Variants in CNTNAP5 observed in about 807,000 individuals in gnomAD.
The protein encoded by CNTNAP5 is contactin associated protein family member 5.
Under a neutral mutation model 150.2 loss-of-function variants are expected in CNTNAP5, and 72 were observed. That is an observed-to-expected ratio of 0.48 (90% confidence interval 0.40 to 0.58). The LOEUF (loss-of-function observed/expected upper bound fraction) is 0.58, where lower values mean the gene tolerates loss of function less well. Among genes scored for constraint, CNTNAP5 ranks in the 20% least tolerant of loss-of-function variants. The pLI, the probability that CNTNAP5 is intolerant of heterozygous loss-of-function variation, is 0.00. For missense variants in CNTNAP5, 1,636 were observed against 1,626.2 expected, an observed-to-expected ratio of 1.01 and a Z score of -0.10; for synonymous variants, 672 against 619.8, an observed-to-expected ratio of 1.08 and a Z score of -1.25.
At chr2:124,442,064 T>C (rs1692687904) in intron 5 of CNTNAP5, among the ~76,000 whole-genome samples, 1 of 152,196 alleles carries the variant, frequency 6.6e-6, no homozygotes. Context: ...TAAGAAGAAG[T>C]ACTTTTATTT....
chr2:124,551,729 G>A (rs191281113), intron 10 of CNTNAP5, among the ~76,000 whole-genome samples: 67 of 152,266 alleles, frequency 4.4e-4, no homozygotes, highest in Admixed American at 1.2e-3. Flanking sequence ...CATGTATAGA[G>A]AATCATTTAT....
At chr2:124,066,750 AC>A (rs750709518) in intron 1 of CNTNAP5, among the ~76,000 whole-genome samples, 12 of 152,142 alleles carry the variant, frequency 7.9e-5, no homozygotes, top group Non-Finnish European at 1.2e-4. Flanking sequence ...TAAACCCACT[AC>A]CTATGGAAAA....
At chr2:124,877,213 A>G (rs1677877264) in intron 21 of CNTNAP5, among the ~76,000 whole-genome samples, 1 of 152,134 alleles carries the variant, frequency 6.6e-6, no homozygotes, top group Non-Finnish European at 1.5e-5. Flanking sequence ...CATGCTCTGC[A>G]CTGCTCTGTA....
At chr2:124,285,264 A>T (rs1453059845) in intron 3 of CNTNAP5, among the ~76,000 whole-genome samples, 1 of 152,132 alleles carries the variant, frequency 6.6e-6, no homozygotes, top group Non-Finnish European at 1.5e-5. Flanking sequence ...TTCATGAGCT[A>T]ACACCACTTT....
intron 8 of CNTNAP5, among the ~76,000 whole-genome samples, chr2:124,505,774 A>G (rs1459596109): frequency 6.6e-6 from 1 of 152,174 alleles, no homozygotes; most frequent in East Asian, 1.9e-4. Context: ...ACAAATACTC[A>G]TTGAGGTCAA....
chr2:124,262,527 C>G (rs891573283), intron 3 of CNTNAP5, among the ~76,000 whole-genome samples: 2 of 152,080 alleles, frequency 1.3e-5, no homozygotes, highest in African/African-American at 4.8e-5. Context: ...AATTTATCCC[C>G]GGTTCACCTT....
intron 21 of CNTNAP5, among the ~76,000 whole-genome samples, chr2:124,887,776 G>A (rs569599466): frequency 4.2e-4 from 64 of 152,154 alleles, no homozygotes; most frequent in African/African-American, 1.3e-3. Context: ...GGGAGACCCC[G>A]TGTACAGCCT....
chr2:124,305,111 C>CAAAAAAAA (rs57896748), intron 3 of CNTNAP5, among the ~76,000 whole-genome samples: 44 of 86,362 alleles, frequency 5.1e-4, no homozygotes, highest in African/African-American at 1.2e-3. Flanking sequence ...ACAAAAAATA[C>CAAAAAAAA]AAAAAAAAAA....
chr2:124,491,431 T>A (rs115910147), intron 7 of CNTNAP5, among the ~76,000 whole-genome samples: 5,478 of 119,164 alleles, frequency 0.046, 128 homozygotes, highest in Non-Finnish European at 0.05. Context: ...GTATGTGTGT[T>A]TATATATATA....
intron 6 of CNTNAP5, among the ~76,000 whole-genome samples, chr2:124,458,213 T>A (rs12469266): frequency 2.0e-3 from 275 of 135,474 alleles, no homozygotes; most frequent in Middle Eastern, 0.016. Flanking sequence ...TATATATATA[T>A]AATATATATA....
At chr2:124,111,035 C>T (rs1028834370) in intron 1 of CNTNAP5, among the ~76,000 whole-genome samples, 1 of 152,058 alleles carries the variant, frequency 6.6e-6, no homozygotes, top group African/African-American at 2.4e-5. Flanking sequence ...AATCAAAGTG[C>T]GATTTGTCCA....
At chr2:124,310,981 A>G (rs1573907891) in intron 3 of CNTNAP5, among the ~76,000 whole-genome samples, 1 of 152,126 alleles carries the variant, frequency 6.6e-6, no homozygotes, top group East Asian at 1.9e-4. Context: ...TGAAAATGAG[A>G]CAGTCTCTGT....
chr2:124,100,458 CTA>C (rs144981131), intron 1 of CNTNAP5, among the ~76,000 whole-genome samples: 11,665 of 152,162 alleles, frequency 0.077, 529 homozygotes, highest in South Asian at 0.15. Context: ...CATATAATAA[CTA>C]ATACGTATAA....
chr2:124,545,123 T>TA (rs984706500), intron 10 of CNTNAP5, among the ~76,000 whole-genome samples: 35 of 152,278 alleles, frequency 2.3e-4, no homozygotes, highest in Admixed American at 4.6e-4. Context: ...GAATTCATGT[T>TA]AAAAAAACAC....
intron 3 of CNTNAP5, among the ~76,000 whole-genome samples, chr2:124,317,982 G>A (rs559486676): frequency 7.5e-4 from 114 of 152,288 alleles, no homozygotes; most frequent in Non-Finnish European, 1.2e-3. Context: ...TAAGATCTGG[G>A]GTTGAAGTGT....
chr2:124,659,399 GAGAC>G (rs1265290952), intron 13 of CNTNAP5, among the ~76,000 whole-genome samples: 2 of 152,074 alleles, frequency 1.3e-5, no homozygotes, highest in African/African-American at 2.4e-5. Context: ...ATCTTGGAAA[GAGAC>G]AGTGGAAATG....
chr2:124,191,900 GAA>G (rs1260905888), intron 1 of CNTNAP5, among the ~76,000 whole-genome samples: 3 of 138,430 alleles, frequency 2.2e-5, no homozygotes, highest in Non-Finnish European at 3.2e-5. Context: ...CTCCATCTCT[GAA>G]AAAAAAAAAA....
intron 11 of CNTNAP5, among the ~76,000 whole-genome samples, chr2:124,605,625 A>C (rs1246797598): frequency 6.6e-6 from 1 of 151,732 alleles, no homozygotes. Flanking sequence ...GACCAGCTTG[A>C]CTAACATGGT....
intron 1 of CNTNAP5, among the ~76,000 whole-genome samples, chr2:124,051,813 T>A (rs1681704567): frequency 6.6e-6 from 1 of 152,194 alleles, no homozygotes; most frequent in Non-Finnish European, 1.5e-5. Flanking sequence ...CACTCAAAAC[T>A]GCTAGGGTGA....
Sources: allele counts gnomAD v4.1 joint callset (sites outside exome capture counted in the v4.1 genomes callset), GRCh38; gene constraint gnomAD v4.1.1; transcripts MANE v1.5; gene names NCBI Gene and HGNC (gene_info 2026-07-23, HGNC 2026-07-21).